The following LIMK2 variants were observed in gnomAD, a reference collection of about 807,000 sequenced individuals.
LIMK2 encodes the protein LIM domain kinase 2.
LIMK2 carries 35 observed loss-of-function variants against 75.7 expected under a neutral mutation model. That is an observed-to-expected ratio of 0.46 (90% CI 0.35 to 0.61). The LOEUF (loss-of-function observed/expected upper bound fraction) is 0.61, where lower values mean the gene tolerates loss of function less well. Ranked by LOEUF, LIMK2 falls within the 20% of genes least tolerant of loss-of-function variation. LIMK2 has a pLI of 0.00. For synonymous variants in LIMK2, 301 were observed against 319.2 expected (o/e 0.94, Z 0.61); for missense variants, 623 against 831.0 (o/e 0.75, Z 3.08).
Position 31,278,607 on chromosome 22 carries a change from A to G in LIMK2, c.*166A>G, listed in dbSNP as rs2049055986. On this transcript the variant is annotated 3_prime_UTR_variant, in exon 16 of 16. Coordinates refer to ENST00000331728, the MANE Select transcript of LIMK2 (RefSeq NM_005569.4). Reference sequence around the variant, plus strand: ...TCCCCAGGAGGCAAGTGGGCGCAGCACCAGGGAAATGTATCTCCACAGGTT... The same window carrying G: ...TCCCCAGGAGGCAAGTGGGCGCAGCGCCAGGGAAATGTATCTCCACAGGTT... 2 of 575,232 alleles carry G rather than the reference A, an allele frequency of 3.5e-6. No individual in the cohort carries two copies. The highest frequency in any genetic ancestry group is 3.8e-5 in the African/African-American group (2 of 52,644). The allele number at this position is 575,232 out of a possible 1,614,324, so 35.6% of individuals were successfully genotyped here.
chr22:31,237,541 T>G (rs1601411939), intron 2 of LIMK2, among the ~76,000 whole-genome samples: 1 of 146,816 alleles, frequency 6.8e-6, no homozygotes, highest in Non-Finnish European at 1.5e-5. Context: ...TCCAGTAGAG[T>G]GAGATTCCGT....
At chr22:31,248,625 C>T (rs76979315) in intron 2 of LIMK2, 1 of 1,612,384 alleles carries the variant, frequency 6.2e-7, no homozygotes, top group Non-Finnish European at 8.5e-7. Flanking sequence ...GTGCCGGGAG[C>T]CCCGGGCCTG....
chr22:31,268,051 A>G (rs1037579538), intron 10 of LIMK2, 93 bp from the exon 11 acceptor site: 1 of 1,513,612 alleles, frequency 6.6e-7, no homozygotes, highest in African/African-American at 1.4e-5. Flanking sequence ...ATACACAGGG[A>G]GGCTTCACTG....
chr22:31,233,539 C>T (rs1468805333), intron 2 of LIMK2, among the ~76,000 whole-genome samples: 1 of 152,178 alleles, frequency 6.6e-6, no homozygotes, highest in Non-Finnish European at 1.5e-5. Flanking sequence ...GACTTCCTTC[C>T]ATTGTCCTCC....
chr22:31,216,995 A>G (rs753405321), intron 1 of LIMK2, among the ~76,000 whole-genome samples: 1 of 152,206 alleles, frequency 6.6e-6, no homozygotes, highest in Non-Finnish European at 1.5e-5. Flanking sequence ...CATGAAACCA[A>G]TGCCTGGTTT....
chr22:31,253,843 A>G (rs2048750388), intron 2 of LIMK2, among the ~76,000 whole-genome samples: 1 of 152,262 alleles, frequency 6.6e-6, no homozygotes, highest in Non-Finnish European at 1.5e-5. Context: ...GACCTGGATT[A>G]TGGCTGGCAT....
Position 31,229,433 on chromosome 22 carries a change from C to T in LIMK2, c.116+3614C>T, listed in dbSNP as rs549078648. 8.5e-5 allele frequency among the ~76,000 whole-genome samples: 13 copies of T among 152,260 alleles called. No individual in the cohort carries two copies. In the East Asian group the frequency reaches 2.3e-3, roughly 27 times the overall value. ...CAGAGATAACCTGGGTTTTGAGGAA[C>T]ATGGGGCATCAACCTGAATGGTCTT... On this transcript the variant is annotated intron_variant, in intron 2 of 15. Coordinates refer to ENST00000331728, the MANE Select transcript of LIMK2 (RefSeq NM_005569.4).
rs529919320 is a variant in LIMK2 at position 31,257,040 on chromosome 22, A to ATTTTTTTT, written c.117-1224_117-1217dup. 6.9e-4 allele frequency among the ~76,000 whole-genome samples: 52 copies of ATTTTTTTT among 75,068 alleles called. 2 individuals carry two copies. Among genetic ancestry groups the ATTTTTTTT allele is most frequent in the Non-Finnish European group, 8.6e-4 (29 of 33,850 alleles). The allele number at this position is 75,068 out of a possible 152,430, so 49.2% of individuals were successfully genotyped here. On this transcript the variant is annotated intron_variant, in intron 2 of 15. Transcript: ENST00000331728. ...TCATTAGGGGAGAAGGGAGCTATAGATTTTTTTTTTTTTTTTTTTTTTTTT... is the reference window on the plus strand; with the variant it reads ...TCATTAGGGGAGAAGGGAGCTATAGATTTTTTTTTTTTTTTTTTTTTTTTTTTTTTTTT...
chr22:31,212,400 C>T lies in LIMK2; in HGVS notation c.-9C>T, dbSNP rs757540196. The T allele has an allele frequency of 7.5e-7, 1 of 1,339,138 alleles. No individual in the cohort carries two copies. 83.0% of individuals were successfully genotyped at this position (1,339,138 alleles called of 1,614,324 possible). A position where few individuals can be genotyped will look rare whatever the true frequency, so the allele number is the denominator to read the frequency against. On this transcript the variant is annotated 5_prime_UTR_variant, in exon 1 of 16. Coordinates refer to ENST00000331728, the MANE Select transcript of LIMK2 (RefSeq NM_005569.4). ...GCCTCCTCCTCCCCATTTCCGCGCT[C>T]CCGGGACCATGTCCGCGCTGGCGGG... is the stretch of plus-strand genomic sequence containing the variant.
In LIMK2 at chr22:31,258,274, CT is replaced by C; in HGVS notation, c.117-15del. On this transcript the variant is annotated splice_polypyrimidine_tract_variant and intron_variant, in intron 2 of 15. Transcript: ENST00000331728. Reference sequence around the variant, plus strand: ...CCAGGGATCCAGGAGAATTTCAGTTCTTGTCTTGCCTTTCAGGTGTTCAGAA... The same window carrying C: ...CCAGGGATCCAGGAGAATTTCAGTTCTGTCTTGCCTTTCAGGTGTTCAGAA... 6.3e-7 allele frequency: 1 copy of C among 1,581,884 alleles called. No individual in the cohort carries two copies. Among genetic ancestry groups the C allele is most frequent in the Non-Finnish European group, 8.6e-7 (1 of 1,160,556 alleles).
At chr22:31,227,367 G>A (rs1300648282) in intron 2 of LIMK2, among the ~76,000 whole-genome samples, 1 of 152,216 alleles carries the variant, frequency 6.6e-6, no homozygotes, top group Non-Finnish European at 1.5e-5. Context: ...CCAAGTAATT[G>A]AGTTGACCTT....
chr22:31,265,377 TAATAAC>T (rs985530228), intron 7 of LIMK2, among the ~76,000 whole-genome samples: 2 of 147,730 alleles, frequency 1.4e-5, no homozygotes, highest in South Asian at 2.2e-4. Flanking sequence ...AAAATAATAA[TAATAAC>T]AATAACTAGC....
In LIMK2 at chr22:31,260,002, C is replaced by G; in HGVS notation, c.476C>G (p.Thr159Ser). Reference sequence around the variant, plus strand: ...ACGCTCATCTCCATGCCGGCCACCACTGAAGGCAGGCGGGGCTTCTCCGTG... The same window carrying G: ...ACGCTCATCTCCATGCCGGCCACCAGTGAAGGCAGGCGGGGCTTCTCCGTG... ...SVTLISMPAT[T>S]EGRRGFSVSV... is the part of the protein sequence containing the mutation. Residue 159 changes from threonine to serine, a missense_variant, in exon 5 of 16, where the codon ACT (threonine) becomes AGT (serine). This residue lies in a region of LIMK2 where 514 missense variants were observed against 661.3 expected (regional missense o/e 0.78). Coordinates refer to ENST00000331728, the MANE Select transcript of LIMK2 (RefSeq NM_005569.4). 6.2e-7 allele frequency: 1 copy of G among 1,611,650 alleles called. No homozygotes were observed. The highest frequency in any genetic ancestry group is 8.5e-7 in the Non-Finnish European group (1 of 1,179,408).
chr22:31,272,783 AG>A, intron 13 of LIMK2, 79 bp downstream of exon 13: 1 of 1,499,138 alleles, frequency 6.7e-7, no homozygotes, highest in East Asian at 2.3e-5. Flanking sequence ...TGGGAATTCC[AG>A]GGGAGGCCTG....
At chr22:31,226,206 ATTTTAT>A (rs2048476392) in intron 2 of LIMK2, among the ~76,000 whole-genome samples, 1 of 151,050 alleles carries the variant, frequency 6.6e-6, no homozygotes, top group African/African-American at 2.4e-5. Flanking sequence ...ATTTTATTTT[ATTTTAT>A]TTTATTTTAT....
Position 31,278,444 on chromosome 22 carries a change from C to G in LIMK2, c.*3C>G. 1 of 1,604,832 alleles carries G rather than the reference C, an allele frequency of 6.2e-7. No homozygotes were observed. The highest frequency in any genetic ancestry group is 8.5e-7 in the Non-Finnish European group (1 of 1,175,432). ...TGACCCGGGACTCACCTCCCTAGCC[C>G]TGGCCCAGCCCCCTGCAGGGGGGTG... On this transcript the variant is annotated 3_prime_UTR_variant, in exon 16 of 16. Transcript: ENST00000331728.
In LIMK2 at chr22:31,268,332, TTGTC is replaced by T. The variant is rs2048917712; in HGVS notation, c.1317+136_1317+139del. ...CTGGGTCAGCAGCTATTCATTGAGT[TTGTC>T]TGTGTCACTGAAACTGACCCCAGCC... On this transcript the variant is annotated intron_variant, in intron 11 of 15. Coordinates refer to ENST00000331728, the MANE Select transcript of LIMK2 (RefSeq NM_005569.4). 3 of 774,618 alleles carry T rather than the reference TTGTC, an allele frequency of 3.9e-6. No homozygotes were observed. In the East Asian group the frequency reaches 7.7e-5, roughly 20 times the overall value. The allele number at this position is 774,618 out of a possible 1,614,324, so 48.0% of individuals were successfully genotyped here.
At position 31,262,794 on chromosome 22, in the gene LIMK2, G is replaced by A. The variant is rs748133958; in HGVS notation, c.854+3G>A. ...ACACTGAGGAGACGTTCCCTAAGGTGCCACCTCCCACCCTGGCTCTGTTCT... is the reference window on the plus strand; with the variant it reads ...ACACTGAGGAGACGTTCCCTAAGGTACCACCTCCCACCCTGGCTCTGTTCT... On this transcript the variant is annotated splice_donor_region_variant and intron_variant, in intron 7 of 15. Transcript: ENST00000331728. The surrounding 1 kb of genome is among the most constrained non-coding windows in gnomAD (Gnocchi z 5.0). 6.3e-7 allele frequency: 1 copy of A among 1,591,282 alleles called. No homozygotes were observed. The highest frequency in any genetic ancestry group is 8.6e-7 in the Non-Finnish European group (1 of 1,166,962).
chr22:31,250,287 T>A (rs1434316244), intron 2 of LIMK2, among the ~76,000 whole-genome samples: 1 of 152,176 alleles, frequency 6.6e-6, no homozygotes, highest in African/African-American at 2.4e-5. Context: ...GAAGGCAGCT[T>A]AGGAGAAGGG....
Sources: allele counts gnomAD v4.1 joint callset (sites outside exome capture counted in the v4.1 genomes callset), GRCh38; gene constraint gnomAD v4.1.1; regional missense constraint gnomAD v4.1.1; non-coding constraint Gnocchi (gnomAD v3.1); transcripts MANE v1.5; gene names NCBI Gene and HGNC (gene_info 2026-07-23, HGNC 2026-07-21).